The following KIAA1328 variants were observed in gnomAD, a reference collection of about 807,000 sequenced individuals.
KIAA1328 encodes the protein protein hinderin.
In KIAA1328, 52 loss-of-function variants were observed where a neutral mutation model predicts 68.1. The ratio of observed to expected loss-of-function variants is 0.76; its 90% CI spans 0.61 to 0.96. KIAA1328 has a LOEUF of 0.96. KIAA1328 is among the 40% of genes least tolerant of loss of function. The pLI is 0.00. For missense variants in KIAA1328, 641 were observed against 677.6 expected (o/e 0.95, Z 0.60); for synonymous variants, 232 against 239.4 (o/e 0.97, Z 0.28).
intron 7 of KIAA1328, among the ~76,000 whole-genome samples, chr18:37,122,856 G>A (rs932149052): frequency 2.0e-5 from 3 of 152,114 alleles, no homozygotes; most frequent in Admixed American, 6.5e-5. Context: ...TGACCAGGAA[G>A]ACACAGAAAA....
intron 9 of KIAA1328, among the ~76,000 whole-genome samples, chr18:37,206,886 C>G (rs1216390247): frequency 6.6e-6 from 1 of 152,016 alleles, no homozygotes; most frequent in Non-Finnish European, 1.5e-5. Context: ...AAGGTTTTTT[C>G]AAACCTTTGA....
At chr18:36,949,202 A>G (rs943996291) in intron 5 of KIAA1328, among the ~76,000 whole-genome samples, 1 of 152,146 alleles carries the variant, frequency 6.6e-6, no homozygotes, top group Non-Finnish European at 1.5e-5. Context: ...AGGGTAAAAT[A>G]TTTCTCCTTC....
chr18:37,078,359 C>G (rs2056823563), intron 7 of KIAA1328, among the ~76,000 whole-genome samples: 1 of 151,802 alleles, frequency 6.6e-6, no homozygotes, highest in South Asian at 2.1e-4. Flanking sequence ...AACGTTAGAC[C>G]TAAAACCATA....
At chr18:36,929,280 T>C (rs2050228965) in intron 5 of KIAA1328, among the ~76,000 whole-genome samples, 1 of 152,214 alleles carries the variant, frequency 6.6e-6, no homozygotes, top group African/African-American at 2.4e-5. Flanking sequence ...TTTACTTTAA[T>C]GTCTGACATT....
At chr18:36,960,925 C>A (rs2051640356) in intron 6 of KIAA1328, among the ~76,000 whole-genome samples, 1 of 152,178 alleles carries the variant, frequency 6.6e-6, no homozygotes, top group Non-Finnish European at 1.5e-5. Context: ...AGGATCGCAA[C>A]TCCTCGCCAG....
chr18:36,977,734 AG>A (rs1289468551), intron 6 of KIAA1328, among the ~76,000 whole-genome samples: 3 of 152,026 alleles, frequency 2.0e-5, no homozygotes, highest in African/African-American at 7.2e-5. Context: ...AAGACTCAGA[AG>A]GCTCTGCATA....
chr18:36,834,278 C>A, intron 1 of KIAA1328, 42 bp from the exon 2 acceptor site: 1 of 1,486,082 alleles, frequency 6.7e-7, no homozygotes, highest in South Asian at 1.5e-5. Context: ...ATTTGGATGC[C>A]GGATAATATT....
chr18:37,021,316 A>G (rs2054337529), intron 6 of KIAA1328, among the ~76,000 whole-genome samples: 1 of 152,236 alleles, frequency 6.6e-6, no homozygotes. Flanking sequence ...AATGCAATAA[A>G]TCAGCCTATT....
At chr18:37,151,648 G>C (rs1321623150) in intron 7 of KIAA1328, among the ~76,000 whole-genome samples, 2 of 152,186 alleles carry the variant, frequency 1.3e-5, no homozygotes, top group Admixed American at 1.3e-4. Flanking sequence ...ACTGTTTTTT[G>C]ACGGTGGTGC....
intron 7 of KIAA1328, among the ~76,000 whole-genome samples, chr18:37,097,612 C>A (rs369649869): frequency 6.6e-6 from 1 of 152,150 alleles, no homozygotes; most frequent in Admixed American, 6.6e-5. Flanking sequence ...TCTGTGAAGA[C>A]AGTCATTGGT....
intron 5 of KIAA1328, among the ~76,000 whole-genome samples, chr18:36,910,907 A>T (rs2049419595): frequency 6.6e-6 from 1 of 152,044 alleles, no homozygotes; most frequent in Non-Finnish European, 1.5e-5. Context: ...AAATATACTC[A>T]GGAAAAGAAT....
chr18:36,972,720 G>A (rs757642423), intron 6 of KIAA1328, among the ~76,000 whole-genome samples: 1 of 152,142 alleles, frequency 6.6e-6, no homozygotes, highest in Non-Finnish European at 1.5e-5. Context: ...TATATCCAGC[G>A]GGTTCTCTGG....
intron 6 of KIAA1328, among the ~76,000 whole-genome samples, chr18:37,050,650 T>C (rs2055656384): frequency 6.6e-6 from 1 of 152,242 alleles, no homozygotes; most frequent in Admixed American, 6.5e-5. Flanking sequence ...ATAAATATCC[T>C]CACAATTAGA....
chr18:37,228,884 A>G (rs1185337221), downstream of KIAA1328, among the ~76,000 whole-genome samples: 1 of 152,158 alleles, frequency 6.6e-6, no homozygotes, highest in Non-Finnish European at 1.5e-5. Flanking sequence ...TTAGCAATAA[A>G]GGATTTTAAG....
chr18:37,136,524 A>G (rs186146086), intron 7 of KIAA1328, among the ~76,000 whole-genome samples: 5 of 152,336 alleles, frequency 3.3e-5, no homozygotes, highest in Non-Finnish European at 5.9e-5. Flanking sequence ...ACTAACTCAG[A>G]GTTCTATTGT....
intron 7 of KIAA1328, among the ~76,000 whole-genome samples, chr18:37,120,243 A>G (rs974758755): frequency 6.6e-6 from 1 of 152,218 alleles, no homozygotes; most frequent in Admixed American, 6.6e-5. Context: ...GGTAGCTACA[A>G]TACTTTAGCA....
downstream of KIAA1328, chr18:37,229,710 A>G (rs1294140606): frequency 5.7e-6 from 2 of 353,892 alleles, no homozygotes; most frequent in Non-Finnish European, 1.0e-5. Flanking sequence ...CCATCTCTGT[A>G]TTTTGTATTT....
intron 9 of KIAA1328, among the ~76,000 whole-genome samples, chr18:37,217,914 T>A (rs932587389): frequency 9.2e-5 from 14 of 152,248 alleles, no homozygotes; most frequent in African/African-American, 3.4e-4. Context: ...TCATTTGTTA[T>A]AGCCACAGGA....
At chr18:37,099,674 T>G (rs1371085286) in intron 7 of KIAA1328, among the ~76,000 whole-genome samples, 3 of 152,090 alleles carry the variant, frequency 2.0e-5, no homozygotes, top group Non-Finnish European at 2.9e-5. Flanking sequence ...TGACAGTGGG[T>G]TGTTAAAGTC....
Sources: gnomAD v4.1 joint callset for allele counts (sites outside exome capture counted in the v4.1 genomes callset) on GRCh38, gnomAD v4.1.1 for gene constraint, MANE v1.5 for transcripts, NCBI Gene and HGNC (gene_info 2026-07-23, HGNC 2026-07-21) for gene names.